GPAM: variants seen among roughly 807,000 people sequenced by gnomAD.
GPAM encodes glycerol-3-phosphate acyltransferase 1, mitochondrial.
A neutral mutation model predicts 105.0 loss-of-function variants in GPAM; 56 were observed. The observed-to-expected ratio is 0.53, with a 90% CI of 0.43 to 0.67. GPAM has a LOEUF of 0.67. GPAM is among the 30% of genes least tolerant of loss of function. GPAM has a pLI of 0.00. For synonymous variants in GPAM, 368 were observed against 354.4 expected (o/e 1.04, Z -0.43); for missense variants, 855 against 989.8 (o/e 0.86, Z 1.83).
chr10:112,180,511 C>T lies in GPAM; in HGVS notation c.187G>A (p.Val63Ile). The change falls in exon 4 of 22, where the codon GTT (valine) becomes ATT (isoleucine). Residue 63 changes from valine to isoleucine, a missense_variant. Val to Ile is a conservative substitution (Grantham distance 29, BLOSUM62 3). Transcript: ENST00000348367. ...GTGCAGGAGTAACAACATCTTCCAA[C>T]AAATGGCCTTTTCCGACTCATTAGG... Reference protein sequence around the residue: ...ESLMSRKRPFVGRCCYSCTPQ... With the variant: ...ESLMSRKRPFIGRCCYSCTPQ... The T allele has an allele frequency of 1.2e-6, 2 of 1,613,736 alleles. No individual in the cohort carries two copies. The highest frequency in any genetic ancestry group is 1.7e-6 in the Non-Finnish European group (2 of 1,179,668).
At position 112,166,448 on chromosome 10, in the gene GPAM, T is replaced by C. The variant is rs1398980509; in HGVS notation, c.1175A>G (p.Asn392Ser). The change falls in exon 12 of 22, where the codon AAC becomes AGC. Residue 392 changes from asparagine to serine, a missense_variant. Physicochemically the swap from Asn to Ser is conservative, Grantham distance 46. Coordinates refer to ENST00000348367, the MANE Select transcript of GPAM (RefSeq NM_001244949.2). ...AAAATCCACTCGGACACAACCATAG[T>C]TTTTTCGTAACATTCTAATAACACC... ...ARGVIRMLRKNYGCVRVDFAQ... is the reference protein window; with the variant it reads ...ARGVIRMLRKSYGCVRVDFAQ... The C allele has an allele frequency of 3.7e-6, 6 of 1,611,994 alleles. No homozygotes were observed. The African/African-American group carries it at 6.7e-5, about 18-fold the overall frequency.
At chr10:112,185,608 A>G (rs1344434866), upstream of GPAM, among the ~76,000 whole-genome samples, 1 of 93,858 alleles carries the variant, frequency 1.1e-5, no homozygotes, top group Non-Finnish European at 2.3e-5. Flanking sequence ...ACACACACAC[A>G]CACACACAGG....
chr10:112,170,530 G>A (rs1847295090), intron 9 of GPAM, among the ~76,000 whole-genome samples: 1 of 152,150 alleles, frequency 6.6e-6, no homozygotes, highest in Non-Finnish European at 1.5e-5. Context: ...TGAAGGAAAT[G>A]GGTATAGGAA....
rs766927356 is a variant in GPAM, at chr10:112,154,699, G to A, written c.2312-12C>T. 9 of 1,587,654 alleles carry A rather than the reference G, an allele frequency of 5.7e-6. No individual in the cohort carries two copies. In the African/African-American group the frequency reaches 1.1e-4, roughly 19 times the overall value. Reference sequence around the variant, plus strand: ...TGTGGCACTCTCAGCTGAAGAGAGAGAATAAAACCCTGTCAAATGGTTACG... The same window carrying A: ...TGTGGCACTCTCAGCTGAAGAGAGAAAATAAAACCCTGTCAAATGGTTACG... On this transcript the variant is annotated splice_polypyrimidine_tract_variant and intron_variant, in intron 20 of 21. Coordinates refer to ENST00000348367, the MANE Select transcript of GPAM (RefSeq NM_001244949.2).
intron 20 of GPAM, chr10:112,155,504 T>A (rs545428706): frequency 3.9e-6 from 1 of 255,506 alleles, no homozygotes; most frequent in Non-Finnish European, 7.5e-6. Flanking sequence ...TCAAATATGC[T>A]CATAGCAACA....
At chr10:112,199,898 G>A (rs946044853) in intron 1 of GPAM, among the ~76,000 whole-genome samples, 2 of 152,060 alleles carry the variant, frequency 1.3e-5, no homozygotes, top group African/African-American at 2.4e-5. Flanking sequence ...CACTTGACAC[G>A]TGGGGATTAT....
At chr10:112,172,850 G>C in intron 8 of GPAM, 120 bp downstream of exon 8, 1 of 722,882 alleles carries the variant, frequency 1.4e-6, no homozygotes, top group Non-Finnish European at 2.6e-6. Context: ...CATAAATGAG[G>C]GAAATCTTCC....
chr10:112,180,224 C>CT (rs1473146035), intron 4 of GPAM, among the ~76,000 whole-genome samples: 1 of 152,200 alleles, frequency 6.6e-6, no homozygotes, highest in Non-Finnish European at 1.5e-5. Flanking sequence ...AAGATCTACT[C>CT]TCCCCCTTAA....
the GPAM span, among the ~76,000 whole-genome samples, chr10:112,226,665 G>T: frequency 0.026 from 4,000 of 152,286 alleles, 109 homozygotes; most frequent in Non-Finnish European, 0.031. Context: ...GAAACAGGTG[G>T]TGAGGTTGTG....
chr10:112,157,819 A>T (rs1279200492), intron 18 of GPAM, among the ~76,000 whole-genome samples: 1 of 152,248 alleles, frequency 6.6e-6, no homozygotes, highest in Non-Finnish European at 1.5e-5. Flanking sequence ...TATGTTTTAG[A>T]CAACACAACT....
At chr10:112,181,852 G>T in intron 2 of GPAM, 39 bp from the exon 3 acceptor site, 2 of 900,832 alleles carry the variant, frequency 2.2e-6, no homozygotes, top group South Asian at 1.3e-5. Context: ...ACAAGGAATC[G>T]AGAGAGTAAA....
At chr10:112,211,646 G>T (rs141701572) in intron 1 of GPAM, among the ~76,000 whole-genome samples, 20 of 152,234 alleles carry the variant, frequency 1.3e-4, no homozygotes, top group Non-Finnish European at 2.9e-4. Context: ...ACAAGGGCAC[G>T]CAGCTTTCTC....
the GPAM span, among the ~76,000 whole-genome samples, chr10:112,223,166 A>G: frequency 6.6e-6 from 1 of 152,106 alleles, no homozygotes; most frequent in African/African-American, 2.4e-5. Context: ...CTCCTTTCAC[A>G]GGACTCAGAC....
At chr10:112,182,264 G>C (rs1847523322) in intron 2 of GPAM, among the ~76,000 whole-genome samples, 2 of 152,204 alleles carry the variant, frequency 1.3e-5, no homozygotes, top group African/African-American at 2.4e-5. Context: ...CAGAAGGAAG[G>C]CATGTTTATT....
Position 112,172,863 on chromosome 10 carries a change from A to T in GPAM, c.657+107T>A. ...ATCATAAATGAGGGAAATCTTCCAA[A>T]TGGGTTGAAATACATCACAGTACAC... is the stretch of plus-strand genomic sequence containing the variant. On this transcript the variant is annotated intron_variant, in intron 8 of 21. Coordinates refer to ENST00000348367, the MANE Select transcript of GPAM (RefSeq NM_001244949.2). 4.0e-6 allele frequency: 3 copies of T among 748,324 alleles called. No homozygotes were observed. In the South Asian group the frequency reaches 4.3e-5, roughly 11 times the overall value. The allele number at this position is 748,324 out of a possible 1,614,324, so 46.4% of individuals were successfully genotyped here.
chr10:112,158,243 A>T, intron 18 of GPAM, 73 bp downstream of exon 18: 1 of 994,572 alleles, frequency 1.0e-6, no homozygotes, highest in African/African-American at 1.6e-5. Context: ...TTATTGGTTT[A>T]AATAAGTTGT....
chr10:112,218,333 G>A (rs889361918), upstream of GPAM, among the ~76,000 whole-genome samples: 2 of 152,214 alleles, frequency 1.3e-5, no homozygotes, highest in African/African-American at 2.4e-5. Flanking sequence ...CTACAAAGGA[G>A]AGAAAACAGA....
At chr10:112,181,953 A>G in intron 2 of GPAM, 140 bp from the exon 3 acceptor site, 1 of 619,602 alleles carries the variant, frequency 1.6e-6, no homozygotes, top group East Asian at 2.9e-5. Flanking sequence ...TTGAGTCACA[A>G]GGTAAAAACT....
At chr10:112,219,187 G>A (rs574255203), upstream of GPAM, among the ~76,000 whole-genome samples, 115 of 152,306 alleles carry the variant, frequency 7.6e-4, 2 homozygotes, top group South Asian at 8.7e-3. Flanking sequence ...CACCTGTCCA[G>A]TCCCAACCAA....
Sources: allele counts gnomAD v4.1 joint callset (sites outside exome capture counted in the v4.1 genomes callset), GRCh38; gene constraint gnomAD v4.1.1; transcripts MANE v1.5; gene names NCBI Gene and HGNC (gene_info 2026-07-23, HGNC 2026-07-21).